Variants in NCK1 observed in about 807,000 individuals in gnomAD.
The protein encoded by NCK1 is NCK adaptor protein 1.
NCK1 carries 19 observed loss-of-function variants against 36.6 expected under a neutral mutation model. The observed-to-expected ratio is 0.52, with a 90% CI of 0.36 to 0.76. NCK1 has a LOEUF of 0.76. Ranked by LOEUF, NCK1 falls within the 30% of genes least tolerant of loss-of-function variation. NCK1 has a pLI of 0.00. For synonymous variants in NCK1, 165 were observed against 156.0 expected (o/e 1.06, Z -0.43); for missense variants, 358 against 445.6 (o/e 0.80, Z 1.77).
rs11547829 is a variant in NCK1 at position 136,945,867 on chromosome 3, C to T, written c.511C>T (p.His171Tyr). The T allele has an allele frequency of 1.7e-3, 2,821 of 1,614,050 alleles. 48 individuals are homozygous for T. Among genetic ancestry groups the T allele is most frequent in the Non-Finnish European group, 3.3e-4 (390 of 1,179,996 alleles). ...TEEGDSPLGD[H>Y]VGSLSEKLAA... Reference sequence around the variant, plus strand: ...AGAAGGTGACAGTCCTTTGGGTGACCATGTGGGTTCTCTGTCAGAGAAATT... The same window carrying T: ...AGAAGGTGACAGTCCTTTGGGTGACTATGTGGGTTCTCTGTCAGAGAAATT... Residue 171 changes from histidine (H) to tyrosine (Y), a missense_variant, in exon 3 of 4, where the codon CAT becomes TAT. Around this residue, in one of 3 missense-constraint regions of NCK1, gnomAD observed 207 missense variants for 253.4 expected, o/e 0.82. Coordinates refer to ENST00000481752, the MANE Select transcript of NCK1 (RefSeq NM_001291999.2).
At chr3:136,914,064 A>T (rs1939896954) in intron 1 of NCK1, among the ~76,000 whole-genome samples, 1 of 152,242 alleles carries the variant, frequency 6.6e-6, no homozygotes, top group Admixed American at 6.5e-5. Flanking sequence ...TGAAGAAATA[A>T]AAATAAAAGG....
At chr3:136,940,961 A>T (rs1940656184) in intron 2 of NCK1, among the ~76,000 whole-genome samples, 1 of 152,064 alleles carries the variant, frequency 6.6e-6, no homozygotes, top group Admixed American at 6.5e-5. Flanking sequence ...ATCTAAAGTG[A>T]GTGTCTTGCA....
chr3:136,888,647 C>T (rs563492065), intron 1 of NCK1, among the ~76,000 whole-genome samples: 115 of 151,928 alleles, frequency 7.6e-4, no homozygotes, highest in African/African-American at 2.2e-3. Context: ...CGCGAGCCAC[C>T]GCACCCAGCC....
chr3:136,930,636 T>C, intron 2 of NCK1: 1 of 1,380,578 alleles, frequency 7.2e-7, no homozygotes, highest in South Asian at 1.6e-5. Context: ...TTCTTGAAGT[T>C]GTGAATTAGA....
At chr3:136,888,368 G>A (rs377364825) in intron 1 of NCK1, among the ~76,000 whole-genome samples, 1 of 151,978 alleles carries the variant, frequency 6.6e-6, no homozygotes. Context: ...TCAGCTTTTA[G>A]TATATTCAGA....
chr3:136,930,076 T>C (rs1010572898), intron 2 of NCK1, among the ~76,000 whole-genome samples: 2 of 152,200 alleles, frequency 1.3e-5, no homozygotes, highest in Admixed American at 6.5e-5. Flanking sequence ...AGTTAACCTG[T>C]AAAGAGATAT....
chr3:136,902,198 T>TTTTTTTTTTTTG (rs1939561830), intron 1 of NCK1, among the ~76,000 whole-genome samples: 1 of 131,504 alleles, frequency 7.6e-6, no homozygotes, highest in Admixed American at 8.1e-5. Context: ...TTTTTTTTTT[T>TTTTTTTTTTTTG]TTTTGTTTTT....
At chr3:136,908,269 A>G (rs951456797) in intron 1 of NCK1, among the ~76,000 whole-genome samples, 11 of 152,342 alleles carry the variant, frequency 7.2e-5, no homozygotes, top group African/African-American at 2.2e-4. Flanking sequence ...GCAGGGACCC[A>G]TATAGTCTTA....
At chr3:136,901,650 A>G (rs541259613) in intron 1 of NCK1, among the ~76,000 whole-genome samples, 6 of 151,980 alleles carry the variant, frequency 3.9e-5, no homozygotes, top group Non-Finnish European at 5.9e-5. Context: ...TTTCCTCTCA[A>G]TTTTCCAGTA....
chr3:136,893,246 T>G (rs1425135129), intron 1 of NCK1, among the ~76,000 whole-genome samples: 2 of 129,356 alleles, frequency 1.5e-5, no homozygotes, highest in African/African-American at 5.5e-5. Flanking sequence ...TCTGGGTAGA[T>G]ACCCAGGAGT....
At chr3:136,906,188 A>G (rs756799423) in intron 1 of NCK1, among the ~76,000 whole-genome samples, 10 of 151,962 alleles carry the variant, frequency 6.6e-5, no homozygotes, top group East Asian at 1.9e-4. Flanking sequence ...TTTTCTTTCA[A>G]TGTGAATGCT....
intron 1 of NCK1, 143 bp downstream of exon 1, chr3:136,862,496 A>C (rs1938252532): frequency 6.6e-6 from 1 of 151,302 alleles, no homozygotes; most frequent in African/African-American, 2.5e-5. Context: ...CTCGGAGCCG[A>C]GCCGGAGGGG....
intron 1 of NCK1, among the ~76,000 whole-genome samples, chr3:136,902,571 G>T (rs938546229): frequency 6.6e-6 from 1 of 152,064 alleles, no homozygotes. Context: ...TTAAAAATTT[G>T]TTGACACTTG....
At chr3:136,913,615 CT>C (rs1003381049) in intron 1 of NCK1, among the ~76,000 whole-genome samples, 1 of 152,088 alleles carries the variant, frequency 6.6e-6, no homozygotes, top group Admixed American at 6.5e-5. Context: ...TTTTCTGAGC[CT>C]TTGCCTTTTC....
At chr3:136,902,198 T>TTTG (rs57065412) in intron 1 of NCK1, among the ~76,000 whole-genome samples, 70,205 of 130,658 alleles carry the variant, frequency 0.54, 15,857 homozygotes, top group East Asian at 0.64. Context: ...TTTTTTTTTT[T>TTTG]TTTTGTTTTT....
intron 1 of NCK1, among the ~76,000 whole-genome samples, chr3:136,914,711 G>T (rs1400695584): frequency 2.6e-5 from 4 of 152,180 alleles, no homozygotes; most frequent in Non-Finnish European, 5.9e-5. Flanking sequence ...GACAACTTCT[G>T]GCTTCCAGCC....
chr3:136,878,590 A>C (rs1393996851), intron 1 of NCK1, among the ~76,000 whole-genome samples: 1 of 152,092 alleles, frequency 6.6e-6, no homozygotes, highest in South Asian at 2.1e-4. Flanking sequence ...TGGGGTGACA[A>C]AAATTTTCTA....
chr3:136,897,345 G>A (rs1295859790), intron 1 of NCK1, among the ~76,000 whole-genome samples: 1 of 152,088 alleles, frequency 6.6e-6, no homozygotes, highest in Admixed American at 6.6e-5. Flanking sequence ...GCCTGCCTTG[G>A]CCTCCCAGAG....
chr3:136,871,772 G>A (rs564326828), intron 1 of NCK1, among the ~76,000 whole-genome samples: 1 of 152,324 alleles, frequency 6.6e-6, no homozygotes, highest in East Asian at 1.9e-4. Context: ...GAACCATGGG[G>A]GTGGGCCTTT....
Sources: gnomAD v4.1 joint callset for allele counts (sites outside exome capture counted in the v4.1 genomes callset) on GRCh38, gnomAD v4.1.1 for gene constraint, gnomAD v4.1.1 regional missense constraint, MANE v1.5 for transcripts, NCBI Gene and HGNC (gene_info 2026-07-23, HGNC 2026-07-21) for gene names.